The following C6orf163 variants were observed in gnomAD, a reference collection of about 807,000 sequenced individuals.
C6orf163 encodes the protein chromosome 6 open reading frame 163, also known as uncharacterized protein C6orf163.
C6orf163 carries 22 observed loss-of-function variants against 28.4 expected under a neutral mutation model. The ratio of observed to expected loss-of-function variants is 0.78; its 90% confidence interval spans 0.55 to 1.11. C6orf163 has a LOEUF of 1.11. C6orf163 is among the 50% of genes least tolerant of loss of function. C6orf163 has a pLI of 0.00. For synonymous variants in C6orf163, 110 were observed against 123.6 expected, an observed-to-expected ratio of 0.89 and a Z score of 0.73; for missense variants, 342 against 389.1, an observed-to-expected ratio of 0.88 and a Z score of 1.02.
At chr6:87,359,504 C>A (rs953004577) in intron 4 of C6orf163, among the ~76,000 whole-genome samples, 25 of 152,298 alleles carry the variant, frequency 1.6e-4, no homozygotes, top group Non-Finnish European at 3.1e-4. Flanking sequence ...AAAATCAGAA[C>A]ATAGGTTACT....
At chr6:87,360,692 T>C (rs242284) in intron 4 of C6orf163, among the ~76,000 whole-genome samples, 90,273 of 152,092 alleles carry the variant, frequency 0.59, 27,181 homozygotes, top group African/African-American at 0.65. Flanking sequence ...TGAGCCACCA[T>C]GCCCAGCCTC....
rs950350274 is a variant in C6orf163, at chr6:87,354,032, A to G, written c.352-2269A>G. ...ACACCCAGTTAATTTTGTATTTTTAATAGAGACAGGGTTTTGCCATGTTGG... is the reference window on the plus strand; with the variant it reads ...ACACCCAGTTAATTTTGTATTTTTAGTAGAGACAGGGTTTTGCCATGTTGG... On this transcript the variant is annotated intron_variant, in intron 3 of 4. Coordinates refer to ENST00000388923, the MANE Select transcript of C6orf163 (RefSeq NM_001010868.3). 5.9e-5 allele frequency among the ~76,000 whole-genome samples: 9 copies of G among 152,090 alleles called. 1 individual carries two copies. The South Asian group carries it at 1.9e-3, about 32-fold the overall frequency.
intron 4 of C6orf163, among the ~76,000 whole-genome samples, chr6:87,360,467 G>A (rs1266641055): frequency 7.2e-6 from 1 of 139,694 alleles, no homozygotes; most frequent in Non-Finnish European, 1.5e-5. Flanking sequence ...TGCGATTTCT[G>A]CTCACTGCAG....
intron 2 of C6orf163, 143 bp from the exon 3 acceptor site, chr6:87,350,251 A>G (rs771623492): frequency 3.9e-5 from 24 of 618,408 alleles, no homozygotes; most frequent in Non-Finnish European, 6.5e-5. Context: ...TGAGATGGGA[A>G]TGGGGCAAGA....
At chr6:87,348,687 T>C (rs1340028377) in intron 1 of C6orf163, 125 bp from the exon 2 acceptor site, 6 of 1,432,936 alleles carry the variant, frequency 4.2e-6, no homozygotes, top group Non-Finnish European at 3.6e-6. Context: ...TTGAAATATA[T>C]ATACTGGCAT....
At chr6:87,353,627 C>T (rs1243006393) in intron 3 of C6orf163, among the ~76,000 whole-genome samples, 1 of 152,094 alleles carries the variant, frequency 6.6e-6, no homozygotes, top group Non-Finnish European at 1.5e-5. Context: ...GGTAGTACTT[C>T]ACCTGTCTTA....
chr6:87,356,598 C>A, intron 4 of C6orf163, 95 bp downstream of exon 4: 1 of 1,125,114 alleles, frequency 8.9e-7, no homozygotes, highest in Non-Finnish European at 1.3e-6. Flanking sequence ...TAGATATTGC[C>A]CAGTTTTTGT....
chr6:87,350,848 C>A (rs1777401975), intron 3 of C6orf163, among the ~76,000 whole-genome samples: 1 of 152,226 alleles, frequency 6.6e-6, no homozygotes. Context: ...CTGACTCCCC[C>A]ACATGACTGC....
intron 3 of C6orf163, among the ~76,000 whole-genome samples, chr6:87,354,188 G>GAAAAAT (rs1259106278): frequency 1.3e-5 from 2 of 152,166 alleles, no homozygotes; most frequent in African/African-American, 2.4e-5. Context: ...TTTGGAAATA[G>GAAAAAT]ATTAAATATT....
At chr6:87,350,371 T>C (rs1397110213) in intron 2 of C6orf163, 23 bp from the exon 3 acceptor site, 1 of 1,417,628 alleles carries the variant, frequency 7.1e-7, no homozygotes, top group East Asian at 2.5e-5. Context: ...CATTAATAGA[T>C]AAATGGACTC....
In C6orf163 at chr6:87,345,241, A is replaced by T. The variant is rs1777305157; in HGVS notation, c.142A>T (p.Ile48Leu). The change falls in exon 1 of 5, where the codon ATA becomes TTA. Residue 48 changes from isoleucine to leucine, a missense_variant. Coordinates refer to ENST00000388923, the MANE Select transcript of C6orf163 (RefSeq NM_001010868.3). ...LKTRFYTHKD[I>L]LDIGANILKK... is the part of the protein sequence containing the mutation. ...GACACGCTTTTACACTCACAAAGAC[A>T]TACTAGGTAAGTGACTTTATCGTTT... The T allele has an allele frequency of 1.3e-6, 2 of 1,520,852 alleles. No homozygotes were observed. The highest frequency in any genetic ancestry group is 2.5e-5 in the South Asian group (2 of 80,306). The allele number at this position is 1,520,852 out of a possible 1,614,324, so 94.2% of individuals were successfully genotyped here.
intron 1 of C6orf163, chr6:87,348,294 G>C: frequency 1.0e-6 from 1 of 985,342 alleles, no homozygotes; most frequent in African/African-American, 1.7e-5. Context: ...AATCAAATTA[G>C]ATCATTGACA....
rs550107413 is a variant in C6orf163 at position 87,364,674 on chromosome 6, T to A, written c.555-287T>A. On this transcript the variant is annotated intron_variant, in intron 4 of 4. Coordinates refer to ENST00000388923, the MANE Select transcript of C6orf163 (RefSeq NM_001010868.3). ...TCCTCATTTTTAAGCACAATGCATG[T>A]ATATTTTCCTGAAAAAGGTGATCTC... 5.3e-5 allele frequency among the ~76,000 whole-genome samples: 8 copies of A among 152,350 alleles called. No homozygotes were observed. In the East Asian group the frequency reaches 1.5e-3, roughly 29 times the overall value.
Position 87,350,478 on chromosome 6 carries a change from G to A in C6orf163, c.328G>A (p.Glu110Lys), listed in dbSNP as rs1582105349. 4 of 1,531,064 alleles carry A rather than the reference G, an allele frequency of 2.6e-6. No homozygotes were observed. Among genetic ancestry groups the A allele is most frequent in the Middle Eastern group, 3.4e-4 (2 of 5,970 alleles). The allele number at this position is 1,531,064 out of a possible 1,614,324, so 94.8% of individuals were successfully genotyped here. The change falls in exon 3 of 5, where the codon GAG becomes AAG. Residue 110 changes from glutamate (E) to lysine (K), a missense_variant. Physicochemically the swap from Glu to Lys is moderately conservative, Grantham distance 56. Coordinates refer to ENST00000388923, the MANE Select transcript of C6orf163 (RefSeq NM_001010868.3). ...RHKIEIQILK[E>K]EHQKDLQEVT... ...CAAAATTGAAATTCAGATTTTGAAA[G>A]AGGAACATCAGAAAGATTTACAGGT...
chr6:87,365,363 T>C lies in C6orf163; in HGVS notation c.957T>C (p.Leu319=). 6.5e-7 allele frequency: 1 copy of C among 1,547,722 alleles called. No homozygotes were observed. The highest frequency in any genetic ancestry group is 8.7e-7 in the Non-Finnish European group (1 of 1,145,240). ...LPERKKTPSN[L]VIKENKTTLD The stretch of plus-strand genomic sequence containing the variant: ...AAAGAAAGAAAACACCTTCTAATCT[T>C]GTTATTAAGGAGAACAAAACAACTC... Residue 319 remains leucine (L), a synonymous_variant, in exon 5 of 5, where the codon CTT becomes CTC. Transcript: ENST00000388923.
intron 4 of C6orf163, chr6:87,359,281 G>A (rs1161225164): frequency 6.6e-6 from 1 of 152,286 alleles, no homozygotes; most frequent in African/African-American, 2.4e-5. Flanking sequence ...AGAGGCAAAC[G>A]AATGAGAACC....
intron 4 of C6orf163, among the ~76,000 whole-genome samples, chr6:87,358,807 C>T (rs1056743317): frequency 6.6e-6 from 1 of 152,056 alleles, no homozygotes; most frequent in Non-Finnish European, 1.5e-5. Flanking sequence ...TTGTATCATC[C>T]TACATATCTT....
In C6orf163 at chr6:87,362,663, G is replaced by A. The variant is rs549992498; in HGVS notation, c.555-2298G>A. Among the ~76,000 whole-genome samples, 7 of 152,208 alleles carry A rather than the reference G, an allele frequency of 4.6e-5. No homozygotes were observed. In the South Asian group the frequency reaches 1.0e-3, roughly 23 times the overall value. On this transcript the variant is annotated intron_variant, in intron 4 of 4. Coordinates refer to ENST00000388923, the MANE Select transcript of C6orf163 (RefSeq NM_001010868.3). Reference sequence around the variant, plus strand: ...AGAAGAGAAATAGTATAGTGGCTACGGAGGCTAAAGAAAGATGTGATTTAC... The same window carrying A: ...AGAAGAGAAATAGTATAGTGGCTACAGAGGCTAAAGAAAGATGTGATTTAC...
At chr6:87,351,547 G>A (rs557944620) in intron 3 of C6orf163, among the ~76,000 whole-genome samples, 2 of 152,332 alleles carry the variant, frequency 1.3e-5, no homozygotes, top group Admixed American at 6.5e-5. Flanking sequence ...GCCAGGGTTG[G>A]TATGGTGTCT....
Sources: allele counts gnomAD v4.1 joint callset (sites outside exome capture counted in the v4.1 genomes callset), GRCh38; gene constraint gnomAD v4.1.1; transcripts MANE v1.5; gene names NCBI Gene and HGNC (gene_info 2026-07-23, HGNC 2026-07-21).